SLC17A7: variants seen among roughly 807,000 people sequenced by gnomAD.
The protein encoded by SLC17A7 is solute carrier family 17 member 7.
Under a neutral mutation model 59.1 loss-of-function variants are expected in SLC17A7, and 15 were observed. The ratio of observed to expected loss-of-function variants is 0.25; its 90% CI spans 0.17 to 0.39. SLC17A7 has a LOEUF of 0.39. Ranked by LOEUF, SLC17A7 falls within the 10% of genes least tolerant of loss-of-function variation. SLC17A7 has a pLI of 1.00. For synonymous variants in SLC17A7, 353 were observed against 308.9 expected (o/e 1.14, Z -1.50); for missense variants, 499 against 765.1 (o/e 0.65, Z 4.10).
rs2078952085 is a variant in SLC17A7 at position 49,430,117 on chromosome 19, G to A, written c.*402C>T. The stretch of plus-strand genomic sequence containing the variant: ...AGGAGGACCTTGAATTTTTCTGAAA[G>A]GAGATGGGAGCTGAGTGATCTCAAA... On this transcript the variant is annotated 3_prime_UTR_variant, in exon 12 of 12. Coordinates refer to ENST00000221485, the MANE Select transcript of SLC17A7 (RefSeq NM_020309.4). 1 of 165,530 alleles carries A rather than the reference G, an allele frequency of 6.0e-6. No individual in the cohort carries two copies. Among genetic ancestry groups the A allele is most frequent in the African/African-American group, 2.4e-5 (1 of 41,916 alleles). 10.3% of individuals were successfully genotyped at this position (165,530 alleles called of 1,614,324 possible). A position where few individuals can be genotyped will look rare whatever the true frequency, so the allele number is the denominator to read the frequency against.
intron 1 of SLC17A7, among the ~76,000 whole-genome samples, chr19:49,439,553 A>T (rs2078992047): frequency 6.6e-6 from 1 of 152,134 alleles, no homozygotes; most frequent in South Asian, 2.1e-4. Context: ...CCTGGGTTCA[A>T]ATCATGGGGC....
Position 49,441,432 on chromosome 19 carries a change from C to T in SLC17A7, c.-53G>A. The stretch of plus-strand genomic sequence containing the variant: ...CGCGGGTCCCCCCCGCCGATCCCCC[C>T]GCCCGCGGGCCCGGGCGGCCGCGTC... On this transcript the variant is annotated 5_prime_UTR_variant, in exon 1 of 12. Coordinates refer to ENST00000221485, the MANE Select transcript of SLC17A7 (RefSeq NM_020309.4). The T allele has an allele frequency of 7.2e-7, 1 of 1,390,112 alleles. No homozygotes were observed. Among genetic ancestry groups the T allele is most frequent in the Non-Finnish European group, 9.4e-7 (1 of 1,069,494 alleles). The allele number at this position is 1,390,112 out of a possible 1,614,324, so 86.1% of individuals were successfully genotyped here.
At chr19:49,439,017 C>T (rs987126682) in intron 1 of SLC17A7, among the ~76,000 whole-genome samples, 1 of 152,120 alleles carries the variant, frequency 6.6e-6, no homozygotes, top group African/African-American at 2.4e-5. Flanking sequence ...GGCCCTGATG[C>T]TTTGCAGGGG....
At chr19:49,432,673 G>GC (rs398034942) in intron 8 of SLC17A7, 22 bp from the exon 9 acceptor site, 4 of 1,609,356 alleles carry the variant, frequency 2.5e-6, no homozygotes, top group Non-Finnish European at 8.5e-7. Context: ...GGTGTACAGG[G>GC]ACACTAGGGT....
chr19:49,434,474 A>AG (rs2078973042), intron 5 of SLC17A7, 128 bp downstream of exon 5: 2 of 856,494 alleles, frequency 2.3e-6, no homozygotes, highest in Non-Finnish European at 3.4e-6. Context: ...GTCCAGGTCC[A>AG]GAGTCTCCTC....
chr19:49,432,733 C>A, intron 8 of SLC17A7, 78 bp downstream of exon 8: 1 of 1,602,182 alleles, frequency 6.2e-7, no homozygotes, highest in African/African-American at 1.3e-5. Context: ...CCACCGGCTC[C>A]TCCCTGCCTC....
At chr19:49,434,928 C>A in intron 3 of SLC17A7, 46 bp from the exon 4 acceptor site, 2 of 1,571,662 alleles carry the variant, frequency 1.3e-6, no homozygotes, top group Non-Finnish European at 1.7e-6. Flanking sequence ...TCCAGCCATG[C>A]CCGGGATTCT....
chr19:49,432,672 G>GC (rs763226791), intron 8 of SLC17A7, 21 bp from the exon 9 acceptor site: 2 of 1,609,372 alleles, frequency 1.2e-6, no homozygotes, highest in South Asian at 2.2e-5. Context: ...AGGTGTACAG[G>GC]GACACTAGGG....
chr19:49,434,460 G>T, intron 5 of SLC17A7, 142 bp downstream of exon 5: 1 of 752,744 alleles, frequency 1.3e-6, no homozygotes. Context: ...CCTCAGACCT[G>T]GGAGTCCAGG....
At chr19:49,439,575 C>T (rs1449095022) in intron 1 of SLC17A7, among the ~76,000 whole-genome samples, 1 of 152,202 alleles carries the variant, frequency 6.6e-6, no homozygotes, top group East Asian at 1.9e-4. Context: ...CATACTCATC[C>T]ACTGATCTCC....
At chr19:49,438,331 G>A (rs59181603) in intron 1 of SLC17A7, 34,863 of 152,380 alleles carry the variant, frequency 0.23, 4,340 homozygotes, top group Non-Finnish European at 0.27. Flanking sequence ...GAAAGATGGA[G>A]AGCCTGGGAG....
At position 49,433,308 on chromosome 19, in the gene SLC17A7, T is replaced by C. The variant is rs2078967943; in HGVS notation, c.868-348A>G. ...GGGGGTTTCGCCATGTTGCCCAAGC[T>C]GGTCTGGAACTCCTGGGCTCAAGCG... is the stretch of plus-strand genomic sequence containing the variant. On this transcript the variant is annotated intron_variant, in intron 7 of 11. Coordinates refer to ENST00000221485, the MANE Select transcript of SLC17A7 (RefSeq NM_020309.4). This position sits in a 1 kb window ranked among gnomAD's most constrained non-coding sequence, Gnocchi z 5.7. 2.5e-6 allele frequency: 1 copy of C among 397,596 alleles called. No individual in the cohort carries two copies. Among genetic ancestry groups the C allele is most frequent in the African/African-American group, 2.1e-5 (1 of 48,082 alleles). The allele number at this position is 397,596 out of a possible 1,614,324, so 24.6% of individuals were successfully genotyped here.
In SLC17A7 at chr19:49,436,943, C is replaced by T. The variant is rs2078982178; in HGVS notation, c.63-142G>A. 2 of 1,275,172 alleles carry T rather than the reference C, an allele frequency of 1.6e-6. No individual in the cohort carries two copies. The highest frequency in any genetic ancestry group is 1.1e-6 in the Non-Finnish European group (1 of 950,454). The allele number at this position is 1,275,172 out of a possible 1,614,324, so 79.0% of individuals were successfully genotyped here. A position where few individuals can be genotyped will look rare whatever the true frequency, so the allele number is the denominator to read the frequency against. The stretch of plus-strand genomic sequence containing the variant: ...TCCTCCTTCACCAAGAGTCCAGGTC[C>T]CTGGCTCCCTTCGCCCCCCTGATCC... On this transcript the variant is annotated intron_variant, in intron 1 of 11. Coordinates refer to ENST00000221485, the MANE Select transcript of SLC17A7 (RefSeq NM_020309.4). This position sits in a 1 kb window ranked among gnomAD's most constrained non-coding sequence, Gnocchi z 4.1.
In SLC17A7 at chr19:49,436,569, CG is replaced by C; in HGVS notation, c.294del (p.Gly100AlafsTer58). 6.2e-7 allele frequency: 1 copy of C among 1,613,652 alleles called. No homozygotes were observed. The highest frequency in any genetic ancestry group is 8.5e-7 in the Non-Finnish European group (1 of 1,179,974). On this transcript the variant is annotated frameshift_variant, in exon 2 of 12. Transcript: ENST00000221485. LOFTEE classifies it high-confidence loss of function. The surrounding 1 kb of genome is among the most constrained non-coding windows in gnomAD (Gnocchi z 4.1). The part of the protein sequence containing the change: ...VSMVNNSTTH[R>X]GGHVVVQKAQ... ...GCTACCTGCACCACCACGTGGCCCC[CG>C]CGGTGGGTCGTGCTGTTATTGACCA... is the stretch of plus-strand genomic sequence containing the variant.
Position 49,432,908 on chromosome 19 carries a change from A to ATGGCATAGAC in SLC17A7, c.910_919dup (p.Ile307SerfsTer158). On this transcript the variant is annotated frameshift_variant, in exon 8 of 12. Coordinates refer to ENST00000221485, the MANE Select transcript of SLC17A7 (RefSeq NM_020309.4). LOFTEE classifies it high-confidence loss of function. ...GCTGCGGCAGAAGTTGGCCACGATGATGGCATAGACTGGCATAGACGTGAA... is the reference window on the plus strand; with the variant it reads ...GCTGCGGCAGAAGTTGGCCACGATGATGGCATAGACTGGCATAGACTGGCATAGACGTGAA... 1 of 1,605,436 alleles carries ATGGCATAGAC rather than the reference A, an allele frequency of 6.2e-7. No homozygotes were observed. Among genetic ancestry groups the ATGGCATAGAC allele is most frequent in the Non-Finnish European group, 8.5e-7 (1 of 1,176,196 alleles).
chr19:49,439,767 G>C (rs372041293), intron 1 of SLC17A7, among the ~76,000 whole-genome samples: 1 of 152,184 alleles, frequency 6.6e-6, no homozygotes, highest in African/African-American at 2.4e-5. Context: ...CCAGAGCCCG[G>C]GGGTCTCTGG....
intron 2 of SLC17A7, 113 bp from the exon 3 acceptor site, chr19:49,435,399 A>C (rs1600986871): frequency 1.4e-6 from 1 of 713,362 alleles, no homozygotes; most frequent in Admixed American, 2.3e-5. Context: ...AACCCCTCCC[A>C]CCTCCAAAAG....
chr19:49,432,573 G>T lies in SLC17A7; in HGVS notation c.1096C>A (p.Arg366=). ...GTGGTGGACATGATGCGGCGGCTCC[G>T]CAGGAAGTCCGCGATCTGGCCGCCG... ...PIGGQIADFL[R]SRRIMSTTNV... The change falls in exon 9 of 12, where the codon CGG becomes AGG. Residue 366 remains arginine (R), a synonymous_variant. Transcript: ENST00000221485. 2 of 1,610,220 alleles carry T rather than the reference G, an allele frequency of 1.2e-6. No individual in the cohort carries two copies. The highest frequency in any genetic ancestry group is 1.7e-4 in the Middle Eastern group (1 of 6,010).
At position 49,431,119 on chromosome 19, in the gene SLC17A7, T is replaced by C. The variant is rs1358530808; in HGVS notation, c.1285A>G (p.Ile429Val). The change falls in exon 11 of 12, where the codon ATA becomes GTA. Residue 429 changes from isoleucine (I) to valine (V), a missense_variant. Transcript: ENST00000221485. The surrounding 1 kb of genome is among the most constrained non-coding windows in gnomAD (Gnocchi z 4.6). ...AGGATGCTGGCGTAGCGCGGGGCTATGTCCAGGTGGTTCACGTTGAACCCT... is the reference window on the plus strand; with the variant it reads ...AGGATGCTGGCGTAGCGCGGGGCTACGTCCAGGTGGTTCACGTTGAACCCT... ...ISGFNVNHLD[I>V]APRYASILMG... is the part of the protein sequence containing the mutation. 2 of 1,613,886 alleles carry C rather than the reference T, an allele frequency of 1.2e-6. No individual in the cohort carries two copies. Among genetic ancestry groups the C allele is most frequent in the Non-Finnish European group, 1.7e-6 (2 of 1,179,946 alleles).
Sources: allele counts gnomAD v4.1 joint callset (sites outside exome capture counted in the v4.1 genomes callset), GRCh38; gene constraint gnomAD v4.1.1; non-coding constraint Gnocchi (gnomAD v3.1); transcripts MANE v1.5; gene names NCBI Gene and HGNC (gene_info 2026-07-23, HGNC 2026-07-21).